The following PREX2 variants were observed in gnomAD, a reference collection of about 807,000 sequenced individuals.
The protein encoded by PREX2 is phosphatidylinositol-3,4,5-trisphosphate dependent Rac exchange factor 2.
Under a neutral mutation model 203.2 loss-of-function variants are expected in PREX2, and 107 were observed. That is an observed-to-expected ratio of 0.53 (90% CI 0.45 to 0.62). The LOEUF (loss-of-function observed/expected upper bound fraction) is 0.62. Ranked by LOEUF, PREX2 falls within the 20% of genes least tolerant of loss-of-function variation. PREX2 has a pLI of 0.00. For missense variants in PREX2, 1,777 were observed against 1,955.9 expected, an observed-to-expected ratio of 0.91 and a Z score of 1.72; for synonymous variants, 672 against 663.6, an observed-to-expected ratio of 1.01 and a Z score of -0.19.
At chr8:68,217,838 G>A in intron 38 of PREX2, 120 bp downstream of exon 38, 1 of 579,202 alleles carries the variant, frequency 1.7e-6, no homozygotes, top group Non-Finnish European at 2.7e-6. Context: ...ACTAGGCTCA[G>A]AGGTAACTCA....
chr8:68,119,522 C>T lies in PREX2; in HGVS notation c.3504+8C>T, dbSNP rs371659289. 6.1e-5 allele frequency: 98 copies of T among 1,606,616 alleles called. No homozygotes were observed. The highest frequency in any genetic ancestry group is 3.3e-4 in the Middle Eastern group (2 of 6,072). On this transcript the variant is annotated splice_region_variant and intron_variant, in intron 28 of 39. Transcript: ENST00000288368. ...GAGCATCTTTTCAGCCAGGTACAAT[C>T]GGGCATTTGTGGGGCTTTTGTTCCA...
chr8:68,229,524 C>G (rs767900322), intron 39 of PREX2, among the ~76,000 whole-genome samples: 1 of 152,206 alleles, frequency 6.6e-6, no homozygotes. Flanking sequence ...TGAGTCACTT[C>G]CAAGAAGCCT....
In PREX2 at chr8:68,156,627, T is replaced by C. The variant is rs1477200102; in HGVS notation, c.4232-695T>C. 2.0e-5 allele frequency among the ~76,000 whole-genome samples: 3 copies of C among 152,164 alleles called. No homozygotes were observed. In the East Asian group the frequency reaches 5.8e-4, roughly 29 times the overall value. On this transcript the variant is annotated intron_variant, in intron 34 of 39. Coordinates refer to ENST00000288368, the MANE Select transcript of PREX2 (RefSeq NM_024870.4). ...TTTAATAACAGGTATACCTCATGTATACATGGGAGATACCTAAGGAATAGT... is the reference window on the plus strand; with the variant it reads ...TTTAATAACAGGTATACCTCATGTACACATGGGAGATACCTAAGGAATAGT...
At chr8:68,136,558 T>C (rs755166596) in intron 32 of PREX2, among the ~76,000 whole-genome samples, 6 of 152,206 alleles carry the variant, frequency 3.9e-5, no homozygotes, top group Non-Finnish European at 8.8e-5. Context: ...CCACACTGTC[T>C]GGAACATTTC....
chr8:68,166,867 C>T (rs1811771705), intron 35 of PREX2, among the ~76,000 whole-genome samples: 2 of 151,874 alleles, frequency 1.3e-5, no homozygotes, highest in African/African-American at 4.8e-5. Flanking sequence ...GGGTGGATGC[C>T]TTGAGCTGTG....
intron 23 of PREX2, among the ~76,000 whole-genome samples, chr8:68,106,670 A>G (rs1185948458): frequency 6.6e-6 from 1 of 152,198 alleles, no homozygotes; most frequent in East Asian, 1.9e-4. Context: ...GCTTATATTT[A>G]TGCAATGTCA....
Position 68,109,716 on chromosome 8 carries a change from T to C in PREX2, c.3146+93T>C, listed in dbSNP as rs577949313. 6.7e-5 allele frequency: 71 copies of C among 1,062,988 alleles called. 1 individual carries two copies. In the East Asian group the frequency reaches 1.7e-3, roughly 25 times the overall value. 65.8% of individuals were successfully genotyped at this position (1,062,988 alleles called of 1,614,324 possible). A position where few individuals can be genotyped will look rare whatever the true frequency, so the allele number is the denominator to read the frequency against. On this transcript the variant is annotated intron_variant, in intron 25 of 39. Transcript: ENST00000288368. The stretch of plus-strand genomic sequence containing the variant: ...ATTCAATCATTCTCTCTTTAGTTAT[T>C]GGAAATTTAGGAGATTTGTGCTGAT...
chr8:68,094,038 G>A (rs923171620), intron 21 of PREX2, among the ~76,000 whole-genome samples: 2 of 152,210 alleles, frequency 1.3e-5, no homozygotes, highest in Admixed American at 1.3e-4. Context: ...TAAGGGACTT[G>A]CTCAAACTAG....
chr8:68,228,656 C>T (rs982901516), intron 39 of PREX2, among the ~76,000 whole-genome samples: 21 of 151,974 alleles, frequency 1.4e-4, no homozygotes, highest in African/African-American at 4.8e-4. Context: ...GTCCCAGCTA[C>T]TCGGGAGGCT....
intron 8 of PREX2, among the ~76,000 whole-genome samples, chr8:68,046,386 C>A (rs1400156595): frequency 6.6e-6 from 1 of 152,004 alleles, no homozygotes; most frequent in Non-Finnish European, 1.5e-5. Flanking sequence ...ATGCTGTCTT[C>A]CCGTGTATCT....
intron 21 of PREX2, among the ~76,000 whole-genome samples, chr8:68,094,110 G>A (rs1056280839): frequency 1.3e-5 from 2 of 152,172 alleles, no homozygotes; most frequent in African/African-American, 4.8e-5. Flanking sequence ...TGGAGTTTCA[G>A]TGTTGTTTAG....
chr8:68,124,614 C>T lies in PREX2; in HGVS notation c.3725-2764C>T, dbSNP rs868635168. Among the ~76,000 whole-genome samples the T allele has an allele frequency of 3.6e-4, 54 of 151,980 alleles. 1 individual carries two copies. Among genetic ancestry groups the T allele is most frequent in the South Asian group, 6.2e-4 (3 of 4,826 alleles). On this transcript the variant is annotated intron_variant, in intron 30 of 39. Transcript: ENST00000288368. ...GACACAAGTGTACCTATATAAGAAA[C>T]CTGCACATGTACCCTTGAACTTAAA...
Position 67,952,434 on chromosome 8 carries a change from G to T in PREX2, c.40G>T (p.Ala14Ser), listed in dbSNP as rs1179246544. 1 of 1,585,454 alleles carries T rather than the reference G, an allele frequency of 6.3e-7. No individual in the cohort carries two copies. The highest frequency in any genetic ancestry group is 8.6e-7 in the Non-Finnish European group (1 of 1,166,758). Residue 14 changes from alanine (A) to serine (S), a missense_variant, in exon 1 of 40, where the codon GCC becomes TCC. Ala to Ser is a moderately conservative substitution (Grantham distance 99). Coordinates refer to ENST00000288368, the MANE Select transcript of PREX2 (RefSeq NM_024870.4). ...DSRGDSRAESAKDLEKQLRLR... is the reference protein window; with the variant it reads ...DSRGDSRAESSKDLEKQLRLR... ...CCGCGGAGACAGCCGCGCCGAGAGCGCCAAGGACCTGGAGAAGCAGCTTCG... is the reference window on the plus strand; with the variant it reads ...CCGCGGAGACAGCCGCGCCGAGAGCTCCAAGGACCTGGAGAAGCAGCTTCG...
intron 37 of PREX2, among the ~76,000 whole-genome samples, chr8:68,201,751 A>C (rs377409623): frequency 6.6e-6 from 1 of 152,160 alleles, no homozygotes; most frequent in Admixed American, 6.5e-5. Context: ...GTTGACATTC[A>C]GTATTAACCA....
rs529579217 is a variant in PREX2, at chr8:68,235,382, T to C, written c.*4004T>C. On this transcript the variant is annotated 3_prime_UTR_variant, in exon 40 of 40. Coordinates refer to ENST00000288368, the MANE Select transcript of PREX2 (RefSeq NM_024870.4). ...AAACTATGTTTAATTTTTAAAGACA[T>C]TGTTATGTGAATTATCTTACTAAAT... The C allele has an allele frequency of 6.6e-6, 1 of 152,286 alleles. No individual in the cohort carries two copies. Among genetic ancestry groups the C allele is most frequent in the Admixed American group, 6.5e-5 (1 of 15,288 alleles). 9.4% of individuals were successfully genotyped at this position (152,286 alleles called of 1,614,324 possible).
At chr8:68,079,452 C>G (rs1281512225) in intron 15 of PREX2, among the ~76,000 whole-genome samples, 1 of 152,112 alleles carries the variant, frequency 6.6e-6, no homozygotes, top group Non-Finnish European at 1.5e-5. Flanking sequence ...TTTATTGCCC[C>G]CACTTTACAG....
chr8:68,059,502 A>G (rs560291030), intron 10 of PREX2, among the ~76,000 whole-genome samples: 1 of 152,234 alleles, frequency 6.6e-6, no homozygotes, highest in Non-Finnish European at 1.5e-5. Context: ...GATGAGATAC[A>G]ATAATGAATT....
At chr8:68,131,066 G>A (rs1460125398) in intron 31 of PREX2, among the ~76,000 whole-genome samples, 1 of 152,230 alleles carries the variant, frequency 6.6e-6, no homozygotes, top group Non-Finnish European at 1.5e-5. Flanking sequence ...GAGCGGTACT[G>A]TGTGGCTCAA....
At chr8:68,069,252 A>G (rs1809117135) in intron 12 of PREX2, 116 bp downstream of exon 12, 4 of 606,446 alleles carry the variant, frequency 6.6e-6, no homozygotes, top group Admixed American at 3.8e-5. Context: ...TTCTTCGACT[A>G]TATATACAAG....
Sources: allele counts gnomAD v4.1 joint callset (sites outside exome capture counted in the v4.1 genomes callset), GRCh38; gene constraint gnomAD v4.1.1; transcripts MANE v1.5; gene names NCBI Gene and HGNC (gene_info 2026-07-23, HGNC 2026-07-21).